IPP: variants seen among roughly 807,000 people sequenced by gnomAD.
The protein encoded by IPP is actin-binding protein IPP.
A neutral mutation model predicts 64.1 loss-of-function variants in IPP; 41 were observed. The ratio of observed to expected loss-of-function variants is 0.64; its 90% CI spans 0.50 to 0.83. The LOEUF is 0.83. IPP is among the 40% of genes least tolerant of loss of function. The pLI, the probability that IPP is intolerant of heterozygous loss-of-function variation, is 0.00. For missense variants in IPP, 649 were observed against 703.0 expected (o/e 0.92, Z 0.87); for synonymous variants, 214 against 235.2 (o/e 0.91, Z 0.83).
chr1:45,743,496 T>C (rs998926066), intron 2 of IPP, among the ~76,000 whole-genome samples: 1 of 151,994 alleles, frequency 6.6e-6, no homozygotes, highest in African/African-American at 2.4e-5. Context: ...GGAGGATTGC[T>C]TGAGCCTAGG....
intron 2 of IPP, among the ~76,000 whole-genome samples, chr1:45,742,679 A>G (rs1277082592): frequency 1.3e-5 from 2 of 149,682 alleles, no homozygotes; most frequent in Non-Finnish European, 3.0e-5. Flanking sequence ...TACTACAGAC[A>G]CTCACCACCA....
At chr1:45,725,717 G>C (rs1273557534) in intron 5 of IPP, among the ~76,000 whole-genome samples, 1 of 140,244 alleles carries the variant, frequency 7.1e-6, no homozygotes, top group African/African-American at 2.6e-5. Context: ...AGTAGACATG[G>C]GAGACTTTTC....
intron 8 of IPP, among the ~76,000 whole-genome samples, chr1:45,707,422 C>CAAAAAA (rs66578618): frequency 7.9e-4 from 58 of 73,104 alleles, no homozygotes; most frequent in East Asian, 1.6e-3. Flanking sequence ...GACTCCATAT[C>CAAAAAA]AAAAAAAAAA....
intron 3 of IPP, among the ~76,000 whole-genome samples, chr1:45,737,692 T>C (rs1645999204): frequency 6.6e-6 from 1 of 152,096 alleles, no homozygotes; most frequent in African/African-American, 2.4e-5. Flanking sequence ...ACTCCTAGGC[T>C]CAAGTGATCT....
chr1:45,720,299 C>A (rs181095635), intron 5 of IPP, among the ~76,000 whole-genome samples: 1 of 151,952 alleles, frequency 6.6e-6, no homozygotes, highest in East Asian at 1.9e-4. Flanking sequence ...TTATGCAATG[C>A]CCCTATGGAT....
At chr1:45,730,106 G>C (rs1169968582) in intron 3 of IPP, among the ~76,000 whole-genome samples, 1 of 152,170 alleles carries the variant, frequency 6.6e-6, no homozygotes, top group Non-Finnish European at 1.5e-5. Flanking sequence ...CCAGTACTTT[G>C]GGGGGCCAAG....
Position 45,698,717 on chromosome 1 carries a change from CTTT to C in IPP, c.*1246_*1248del, listed in dbSNP as rs78627575. 0.18 allele frequency: 133,514 copies of C among 732,132 alleles called. 2,989 individuals carry two copies. The highest frequency in any genetic ancestry group is 0.19 in the Non-Finnish European group (118,574 of 615,314). 45.4% of individuals were successfully genotyped at this position (732,132 alleles called of 1,614,324 possible). The stretch of plus-strand genomic sequence containing the variant: ...AGCAAAAAAGGAAGAATTTTTTTTT[CTTT>C]TTTTTTTTTTTTTTTTGAGACAGGT... On this transcript the variant is annotated 3_prime_UTR_variant, in exon 9 of 9. Transcript: ENST00000396478.
chr1:45,741,195 G>A lies in IPP; in HGVS notation c.430C>T (p.Gln144Ter). 1 of 1,614,168 alleles carries A rather than the reference G, an allele frequency of 6.2e-7. No homozygotes were observed. Among genetic ancestry groups the A allele is most frequent in the South Asian group, 1.1e-5 (1 of 91,086 alleles). Residue 144 changes from glutamine to a stop codon, truncating the protein, a stop_gained, in exon 3 of 9, where the codon CAG (glutamine) becomes TAG (stop). Coordinates refer to ENST00000396478, the MANE Select transcript of IPP (RefSeq NM_005897.3). LOFTEE classifies it high-confidence loss of function. ...IDPLNCIGIF[Q>*]FSEQIACHDL... ...TGGCAGGCAATTTGCTCAGAGAACT[G>A]AAAAATTCCAATGCAGTTCAGTGGA...
chr1:45,724,854 T>G (rs1645789778), intron 5 of IPP, among the ~76,000 whole-genome samples: 1 of 149,576 alleles, frequency 6.7e-6, no homozygotes, highest in Admixed American at 6.6e-5. Flanking sequence ...GAGGAGCGTC[T>G]CCGCCCGGCA....
intron 8 of IPP, among the ~76,000 whole-genome samples, chr1:45,707,601 C>A (rs571170005): frequency 6.6e-6 from 1 of 151,650 alleles, no homozygotes; most frequent in Admixed American, 6.6e-5. Context: ...TTGGACACTG[C>A]GAACTAGAAG....
In IPP at chr1:45,741,211, G is replaced by A; in HGVS notation, c.414C>T (p.Asn138=). ...EFLKGQIDPL[N]CIGIFQFSEQ... ...CAGAGAACTGAAAAATTCCAATGCAGTTCAGTGGATCAATTTGTCCTTTCA... is the reference window on the plus strand; with the variant it reads ...CAGAGAACTGAAAAATTCCAATGCAATTCAGTGGATCAATTTGTCCTTTCA... The change falls in exon 3 of 9, where the codon AAC becomes AAT. Residue 138 remains asparagine (N), a synonymous_variant. Coordinates refer to ENST00000396478, the MANE Select transcript of IPP (RefSeq NM_005897.3). The A allele has an allele frequency of 4.3e-6, 7 of 1,614,128 alleles. No homozygotes were observed. Among genetic ancestry groups the A allele is most frequent in the Non-Finnish European group, 5.9e-6 (7 of 1,179,990 alleles).
At chr1:45,733,959 T>C (rs1436510757) in intron 3 of IPP, among the ~76,000 whole-genome samples, 1 of 152,010 alleles carries the variant, frequency 6.6e-6, no homozygotes, top group Non-Finnish European at 1.5e-5. Context: ...AAAAAGCACT[T>C]GATGATGAAA....
rs557497487 is a variant in IPP, at chr1:45,732,156, T to C, written c.725-2387A>G. ...GGGTGGATCACCTGAGGTCAAGAGT[T>C]CAAGACCAGTCTGGCCAACATGGTG... On this transcript the variant is annotated intron_variant, in intron 3 of 8. Coordinates refer to ENST00000396478, the MANE Select transcript of IPP (RefSeq NM_005897.3). 3.1e-3 allele frequency among the ~76,000 whole-genome samples: 464 copies of C among 151,492 alleles called. 1 individual carries two copies. Among genetic ancestry groups the C allele is most frequent in the Non-Finnish European group, 4.5e-3 (303 of 67,836 alleles).
chr1:45,736,776 A>G (rs1645986814), intron 3 of IPP, among the ~76,000 whole-genome samples: 1 of 151,978 alleles, frequency 6.6e-6, no homozygotes, highest in Non-Finnish European at 1.5e-5. Flanking sequence ...GCGGTGGCTC[A>G]TGACTGTAAT....
At chr1:45,701,389 G>A (rs1038466954) in intron 8 of IPP, among the ~76,000 whole-genome samples, 1 of 152,080 alleles carries the variant, frequency 6.6e-6, no homozygotes, top group African/African-American at 2.4e-5. Flanking sequence ...CCAGGTTCAA[G>A]CGATTCTCCT....
chr1:45,704,241 CT>C (rs1043202416), intron 8 of IPP, among the ~76,000 whole-genome samples: 455 of 142,504 alleles, frequency 3.2e-3, no homozygotes, highest in East Asian at 4.9e-3. Context: ...GAAGCAAAGT[CT>C]TTTTTTTTTT....
At chr1:45,739,626 G>A (rs1646033158) in intron 3 of IPP, among the ~76,000 whole-genome samples, 1 of 151,530 alleles carries the variant, frequency 6.6e-6, no homozygotes, top group Admixed American at 6.6e-5. Context: ...TTATACTATG[G>A]TAAAACATAT....
At chr1:45,731,809 G>A (rs1042869464) in intron 3 of IPP, among the ~76,000 whole-genome samples, 11 of 151,874 alleles carry the variant, frequency 7.2e-5, no homozygotes, top group African/African-American at 2.7e-4. Flanking sequence ...GGTGGCACAT[G>A]CCTGTAATCT....
Position 45,699,205 on chromosome 1 carries a change from T to A in IPP, c.*761A>T. ...AAAGGTATCTATCTATTAAAATAGC[T>A]AGATATTTCCCAAACACCCCTCCTA... is the stretch of plus-strand genomic sequence containing the variant. On this transcript the variant is annotated 3_prime_UTR_variant, in exon 9 of 9. Coordinates refer to ENST00000396478, the MANE Select transcript of IPP (RefSeq NM_005897.3). 1.0e-6 allele frequency: 1 copy of A among 985,372 alleles called. No homozygotes were observed. The highest frequency in any genetic ancestry group is 1.2e-6 in the Non-Finnish European group (1 of 829,898). 61.0% of individuals were successfully genotyped at this position (985,372 alleles called of 1,614,324 possible).
Sources: gnomAD v4.1 joint callset for allele counts (sites outside exome capture counted in the v4.1 genomes callset) on GRCh38, gnomAD v4.1.1 for gene constraint, MANE v1.5 for transcripts, NCBI Gene and HGNC (gene_info 2026-07-23, HGNC 2026-07-21) for gene names.